BCL11A: variants seen among roughly 807,000 people sequenced by gnomAD.
BCL11A encodes the protein B cell CLL/lymphoma 11A.
A neutral mutation model predicts 55.9 loss-of-function variants in BCL11A; 2 were observed. The observed-to-expected ratio is 0.04, with a 90% CI of 0.01 to 0.11. BCL11A has a LOEUF of 0.11. BCL11A is among the 10% of genes least tolerant of loss of function. The pLI is 1.00. For missense variants in BCL11A, 817 were observed against 1,137.1 expected, an observed-to-expected ratio of 0.72 and a Z score of 4.05; for synonymous variants, 465 against 473.4, an observed-to-expected ratio of 0.98 and a Z score of 0.23.
At chr2:60,510,821 G>C (rs1400521622) in intron 2 of BCL11A, among the ~76,000 whole-genome samples, 1 of 152,224 alleles carries the variant, frequency 6.6e-6, no homozygotes, top group Non-Finnish European at 1.5e-5. Flanking sequence ...TCTTGGGTTT[G>C]AGCCAGATTC....
At chr2:60,489,998 T>C (rs1678531804) in intron 2 of BCL11A, among the ~76,000 whole-genome samples, 1 of 152,204 alleles carries the variant, frequency 6.6e-6, no homozygotes, top group South Asian at 2.1e-4. Context: ...CAGACCCTGA[T>C]GGGCCCTTGA....
At chr2:60,548,917 C>T (rs1670269789) in intron 1 of BCL11A, among the ~76,000 whole-genome samples, 1 of 152,180 alleles carries the variant, frequency 6.6e-6, no homozygotes, top group Non-Finnish European at 1.5e-5. Context: ...CTGATAATTT[C>T]TCTGCATTTT....
exon 5 of BCL11A, chr2:60,451,505 G>T: frequency 4.3e-6 from 1 of 231,348 alleles, no homozygotes; most frequent in African/African-American, 2.2e-5. Context: ...AATTTCTAAG[G>T]AATAGAGCAT....
chr2:60,489,334 A>G (rs565306687), intron 2 of BCL11A, among the ~76,000 whole-genome samples: 4 of 152,222 alleles, frequency 2.6e-5, no homozygotes, highest in Admixed American at 6.5e-5. Flanking sequence ...TTCATACAAT[A>G]GAGGCATTTG....
In BCL11A at chr2:60,460,168, G is replaced by GAA. The variant is rs35238724; in HGVS notation, c.*234_*235dup. On this transcript the variant is annotated 3_prime_UTR_variant, in exon 4 of 4. Transcript: ENST00000642384. The stretch of plus-strand genomic sequence containing the variant: ...GCATTCAAACGGTGAGAACATAAAG[G>GAA]AAAAAAAAAAAAAAGGAAAAAGAAA... 348 of 1,087,390 alleles carry GAA rather than the reference G, an allele frequency of 3.2e-4. No individual in the cohort carries two copies. The highest frequency in any genetic ancestry group is 2.5e-3 in the African/African-American group (119 of 47,224). 67.4% of individuals were successfully genotyped at this position (1,087,390 alleles called of 1,614,324 possible).
intron 2 of BCL11A, among the ~76,000 whole-genome samples, chr2:60,514,129 C>G (rs1210440402): frequency 6.6e-6 from 1 of 152,184 alleles, no homozygotes; most frequent in African/African-American, 2.4e-5. Flanking sequence ...GCTAGCAGTG[C>G]TCCAAGCACT....
At chr2:60,479,557 C>T (rs745877599) in intron 2 of BCL11A, among the ~76,000 whole-genome samples, 1 of 152,206 alleles carries the variant, frequency 6.6e-6, no homozygotes, top group Non-Finnish European at 1.5e-5. Flanking sequence ...TAGAAAGCCC[C>T]CTCTGTCACC....
Position 60,553,541 on chromosome 2 carries a change from GA to G in BCL11A, c.-272del, listed in dbSNP as rs1670513021. 1.8e-5 allele frequency: 5 copies of G among 284,608 alleles called. No individual in the cohort carries two copies. The Admixed American group carries it at 2.4e-4, about 13-fold the overall frequency. The allele number at this position is 284,608 out of a possible 1,614,324, so 17.6% of individuals were successfully genotyped here. A position where few individuals can be genotyped will look rare whatever the true frequency, so the allele number is the denominator to read the frequency against. On this transcript the variant is annotated 5_prime_UTR_variant, in exon 1 of 4. Coordinates refer to ENST00000642384, the MANE Select transcript of BCL11A (RefSeq NM_022893.4). Reference sequence around the variant, plus strand: ...GAGAGAGAGAGAAGAGAGATAGAGGGAGAGAGAGAGAGAGAGATGAAAAAAA... The same window carrying G: ...GAGAGAGAGAGAAGAGAGATAGAGGGGAGAGAGAGAGAGAGATGAAAAAAA...
At chr2:60,515,402 G>C (rs954706840) in intron 2 of BCL11A, among the ~76,000 whole-genome samples, 1 of 152,166 alleles carries the variant, frequency 6.6e-6, no homozygotes, top group African/African-American at 2.4e-5. Context: ...CATTATGTTA[G>C]GCACCAAGAA....
Position 60,461,337 on chromosome 2 carries a change from G to A in BCL11A, c.1575C>T (p.His525=), listed in dbSNP as rs757638039. 1.9e-6 allele frequency: 3 copies of A among 1,593,222 alleles called. No individual in the cohort carries two copies. Among genetic ancestry groups the A allele is most frequent in the Non-Finnish European group, 2.6e-6 (3 of 1,174,986 alleles). Residue 525 remains histidine, a synonymous_variant, in exon 4 of 4, where the codon CAC becomes CAT. Coordinates refer to ENST00000642384, the MANE Select transcript of BCL11A (RefSeq NM_022893.4). ...CGACCGCGCCCCGCGAGCTGTTCTC[G>A]TGGTGGCGCGCCGCCTCCAGGCTCA... ...FGLSLEAARH[H]ENSSRGAVVG...
intron 2 of BCL11A, among the ~76,000 whole-genome samples, chr2:60,521,910 G>A (rs1340764943): frequency 6.6e-6 from 1 of 152,166 alleles, no homozygotes; most frequent in African/African-American, 2.4e-5. Flanking sequence ...TGTTCTTCCA[G>A]GAGAATGGGG....
chr2:60,491,939 C>T (rs1896294), intron 2 of BCL11A, among the ~76,000 whole-genome samples: 96,311 of 152,086 alleles, frequency 0.63, 32,210 homozygotes, highest in African/African-American at 0.71. Flanking sequence ...ATTGCATTTA[C>T]GCTAAATACC....
At chr2:60,542,087 T>C in intron 2 of BCL11A, 2 of 523,384 alleles carry the variant, frequency 3.8e-6, no homozygotes, top group South Asian at 3.0e-5. Context: ...TATATCATTA[T>C]CTAAATACCA....
At chr2:60,465,766 C>T (rs1360986406) in intron 3 of BCL11A, among the ~76,000 whole-genome samples, 2 of 152,080 alleles carry the variant, frequency 1.3e-5, no homozygotes, top group Non-Finnish European at 1.5e-5. Context: ...ATATAAAAGC[C>T]CTCTGTAAAC....
At chr2:60,503,891 T>C (rs1679428484) in intron 2 of BCL11A, among the ~76,000 whole-genome samples, 1 of 152,094 alleles carries the variant, frequency 6.6e-6, no homozygotes, top group South Asian at 2.1e-4. Flanking sequence ...CTCCTGAAAA[T>C]TGGTTATTGG....
At chr2:60,489,605 T>A (rs1462306911) in intron 2 of BCL11A, among the ~76,000 whole-genome samples, 2 of 152,230 alleles carry the variant, frequency 1.3e-5, no homozygotes, top group Non-Finnish European at 2.9e-5. Context: ...TGAAGGAAGC[T>A]GAAAAGAAAG....
chr2:60,458,653 T>A lies in BCL11A; in HGVS notation c.*1751A>T. 1 of 1,030,180 alleles carries A rather than the reference T, an allele frequency of 9.7e-7. No homozygotes were observed. Among genetic ancestry groups the A allele is most frequent in the Non-Finnish European group, 1.2e-6 (1 of 856,590 alleles). The allele number at this position is 1,030,180 out of a possible 1,614,324, so 63.8% of individuals were successfully genotyped here. Reference sequence around the variant, plus strand: ...TGCTCCTCAATGAGATTGTGTTCAATTTTTTTTCAGCATTCTTGCAACTTT... The same window carrying A: ...TGCTCCTCAATGAGATTGTGTTCAAATTTTTTTCAGCATTCTTGCAACTTT... On this transcript the variant is annotated 3_prime_UTR_variant, in exon 4 of 4. Coordinates refer to ENST00000642384, the MANE Select transcript of BCL11A (RefSeq NM_022893.4).
At position 60,524,390 on chromosome 2, in the gene BCL11A, G is replaced by A. The variant is rs187913994; in HGVS notation, c.385+21581C>T. The stretch of plus-strand genomic sequence containing the variant: ...AATGGAAGGGGAAAGTAGAGCCTCT[G>A]GGGGGCTGCCATTCATTCGGCCTGT... On this transcript the variant is annotated intron_variant, in intron 2 of 3. Coordinates refer to ENST00000642384, the MANE Select transcript of BCL11A (RefSeq NM_022893.4). The A allele has an allele frequency of 2.0e-4, 30 of 152,278 alleles. No homozygotes were observed. In the East Asian group the frequency reaches 5.2e-3, roughly 26 times the overall value. 9.4% of individuals were successfully genotyped at this position (152,278 alleles called of 1,614,324 possible).
intron 2 of BCL11A, chr2:60,541,999 T>C (rs1669945541): frequency 9.0e-6 from 6 of 668,476 alleles, no homozygotes; most frequent in South Asian, 1.7e-5. Flanking sequence ...CATATTGTAT[T>C]TGATTTACTT....
Sources: allele counts gnomAD v4.1 joint callset (sites outside exome capture counted in the v4.1 genomes callset), GRCh38; gene constraint gnomAD v4.1.1; transcripts MANE v1.5; gene names NCBI Gene and HGNC (gene_info 2026-07-23, HGNC 2026-07-21).